TLK1: variants seen among roughly 807,000 people sequenced by gnomAD.
The protein encoded by TLK1 is serine/threonine-protein kinase tousled-like 1.
Under a neutral mutation model 105.3 loss-of-function variants are expected in TLK1, and 24 were observed. The ratio of observed to expected loss-of-function variants is 0.23; its 90% CI spans 0.17 to 0.32. The LOEUF (loss-of-function observed/expected upper bound fraction) is 0.32. Among genes scored for constraint, TLK1 ranks in the 10% least tolerant of loss-of-function variants. The pLI, the probability that TLK1 is intolerant of heterozygous loss-of-function variation, is 1.00. For missense variants in TLK1, 558 were observed against 910.5 expected, an observed-to-expected ratio of 0.61 and a Z score of 4.98; for synonymous variants, 321 against 310.4, an observed-to-expected ratio of 1.03 and a Z score of -0.36.
At position 171,160,431 on chromosome 2, in the gene TLK1, A is replaced by G. The variant is rs761428659; in HGVS notation, c.-3T>C. The stretch of plus-strand genomic sequence containing the variant: ...CCACTGCTACTTTGGACACTCATCA[A>G]GCTACTTTCTGGGAACCCGACTCCC... On this transcript the variant is annotated 5_prime_UTR_variant, in exon 1 of 21. Transcript: ENST00000431350. This position sits in a 1 kb window ranked among gnomAD's most constrained non-coding sequence, Gnocchi z 4.4. The G allele has an allele frequency of 6.3e-7, 1 of 1,599,492 alleles. No individual in the cohort carries two copies. Among genetic ancestry groups the G allele is most frequent in the Non-Finnish European group, 8.5e-7 (1 of 1,174,000 alleles).
chr2:171,043,906 C>T (rs1452205469), intron 11 of TLK1, among the ~76,000 whole-genome samples: 1 of 152,122 alleles, frequency 6.6e-6, no homozygotes, highest in Non-Finnish European at 1.5e-5. Flanking sequence ...CAATCACCCA[C>T]CAAGCCAGTC....
At chr2:171,069,102 T>A (rs1437847172) in intron 3 of TLK1, among the ~76,000 whole-genome samples, 1 of 152,222 alleles carries the variant, frequency 6.6e-6, no homozygotes, top group Non-Finnish European at 1.5e-5. Context: ...AATTTGATAA[T>A]TACTGTAAGT....
intron 17 of TLK1, 52 bp from the exon 18 acceptor site, chr2:171,006,334 C>A: frequency 6.7e-7 from 1 of 1,501,192 alleles, no homozygotes; most frequent in East Asian, 2.3e-5. Context: ...AAAAACATAA[C>A]TTTAATAACT....
At chr2:171,152,618 C>G (rs986111401) in intron 1 of TLK1, among the ~76,000 whole-genome samples, 2 of 152,044 alleles carry the variant, frequency 1.3e-5, no homozygotes, top group African/African-American at 4.8e-5. Context: ...ATCCTCTTCC[C>G]CTTGCCCATA....
chr2:170,995,842 A>G (rs569065035), intron 20 of TLK1, among the ~76,000 whole-genome samples: 114 of 152,166 alleles, frequency 7.5e-4, no homozygotes, highest in African/African-American at 2.5e-3. Flanking sequence ...AGCTGAAACT[A>G]AAGGCACGGG....
intron 2 of TLK1, among the ~76,000 whole-genome samples, chr2:171,104,093 T>C (rs934469668): frequency 6.6e-6 from 1 of 151,910 alleles, no homozygotes; most frequent in African/African-American, 2.4e-5. Context: ...CTGGCCAGCA[T>C]GGTGAAATGC....
At position 171,160,739 on chromosome 2, in the gene TLK1, G is replaced by A; in HGVS notation, c.-311C>T. On this transcript the variant is annotated 5_prime_UTR_variant, in exon 1 of 21. Coordinates refer to ENST00000431350, the MANE Select transcript of TLK1 (RefSeq NM_012290.5). This position sits in a 1 kb window ranked among gnomAD's most constrained non-coding sequence, Gnocchi z 4.4. The stretch of plus-strand genomic sequence containing the variant: ...TCGAGGGGGTGCCAGCCGGGCCGGG[G>A]TCGGAGCGCGGGCGGAGCGCGGGCT... The A allele has an allele frequency of 2.2e-6, 1 of 448,168 alleles. No individual in the cohort carries two copies. Among genetic ancestry groups the A allele is most frequent in the Non-Finnish European group, 3.8e-6 (1 of 260,588 alleles). 27.8% of individuals were successfully genotyped at this position (448,168 alleles called of 1,614,324 possible).
At chr2:171,169,077 C>CAA (rs773371386) in intron 1 of TLK1, among the ~76,000 whole-genome samples, 2 of 130,354 alleles carry the variant, frequency 1.5e-5, no homozygotes, top group African/African-American at 5.6e-5. Flanking sequence ...GACCCTTTCT[C>CAA]AAAAAAAAAA....
chr2:171,175,999 C>T (rs150501126), intron 1 of TLK1, among the ~76,000 whole-genome samples: 3,961 of 152,030 alleles, frequency 0.026, 186 homozygotes, highest in South Asian at 0.14. Context: ...TGCAATGGCG[C>T]GACCTCTGCT....
At chr2:171,019,708 G>C (rs1316173472) in intron 12 of TLK1, among the ~76,000 whole-genome samples, 2 of 152,110 alleles carry the variant, frequency 1.3e-5, no homozygotes, top group Admixed American at 6.5e-5. Flanking sequence ...ATATGGCTTG[G>C]AACAGTCTAT....
chr2:171,076,625 C>T lies in TLK1; in HGVS notation c.330+6156G>A, dbSNP rs556319586. ...AAAACTTAGAAAACACTGAGCAGGA[C>T]GTGGTGGCTCACACCTGTAACCTCA... On this transcript the variant is annotated intron_variant, in intron 3 of 20. Transcript: ENST00000431350. Among the ~76,000 whole-genome samples, 14 of 151,538 alleles carry T rather than the reference C, an allele frequency of 9.2e-5. No individual in the cohort carries two copies. The East Asian group carries it at 1.9e-3, about 21-fold the overall frequency.
intron 19 of TLK1, among the ~76,000 whole-genome samples, chr2:170,996,972 T>G (rs572730416): frequency 6.6e-6 from 1 of 152,306 alleles, no homozygotes; most frequent in South Asian, 2.1e-4. Flanking sequence ...ATCTTCAACA[T>G]AGATTAAACA....
intron 1 of TLK1, 74 bp from the exon 2 acceptor site, chr2:171,117,931 A>T (rs183641127): frequency 1.0e-6 from 1 of 992,040 alleles, no homozygotes; most frequent in Non-Finnish European, 1.4e-6. Context: ...ACAAATATAT[A>T]TATGTGATTA....
intron 18 of TLK1, among the ~76,000 whole-genome samples, chr2:171,003,116 T>C (rs941632366): frequency 1.3e-5 from 2 of 151,248 alleles, no homozygotes; most frequent in African/African-American, 2.4e-5. Flanking sequence ...CTACTAAAAA[T>C]ACAAAAAATT....
chr2:170,997,435 C>G, intron 19 of TLK1, among the ~76,000 whole-genome samples: 1 of 152,074 alleles, frequency 6.6e-6, no homozygotes, highest in Non-Finnish European at 1.5e-5. Flanking sequence ...AAAGTATTGA[C>G]TCCAGTATTC....
intron 7 of TLK1, 70 bp downstream of exon 7, chr2:171,055,013 C>T (rs1294992934): frequency 1.2e-6 from 1 of 840,212 alleles, no homozygotes; most frequent in Non-Finnish European, 1.7e-6. Flanking sequence ...AAACAGACAT[C>T]TTAGTTGTTA....
At chr2:171,000,435 G>T (rs930254310) in intron 18 of TLK1, among the ~76,000 whole-genome samples, 2 of 149,304 alleles carry the variant, frequency 1.3e-5, no homozygotes, top group Non-Finnish European at 3.0e-5. Flanking sequence ...ACTGGAAGTT[G>T]ACTTACTGAT....
chr2:171,015,991 T>G (rs1489253163), intron 12 of TLK1, among the ~76,000 whole-genome samples: 2 of 151,182 alleles, frequency 1.3e-5, no homozygotes, highest in Non-Finnish European at 2.9e-5. Flanking sequence ...GGCAGGAGAA[T>G]TGCCTGAACC....
At chr2:171,013,829 A>C (rs927851203) in intron 13 of TLK1, among the ~76,000 whole-genome samples, 1 of 152,220 alleles carries the variant, frequency 6.6e-6, no homozygotes, top group Non-Finnish European at 1.5e-5. Flanking sequence ...TCAAAGATGA[A>C]GTGTAAACAG....
Sources: allele counts gnomAD v4.1 joint callset (sites outside exome capture counted in the v4.1 genomes callset), GRCh38; gene constraint gnomAD v4.1.1; non-coding constraint Gnocchi (gnomAD v3.1); transcripts MANE v1.5; gene names NCBI Gene and HGNC (gene_info 2026-07-23, HGNC 2026-07-21).